Variants in VAV3 observed in about 807,000 individuals in gnomAD.
VAV3 encodes vav guanine nucleotide exchange factor 3.
In VAV3, 94 loss-of-function variants were observed where a neutral mutation model predicts 131.2. The observed-to-expected ratio is 0.72, with a 90% CI of 0.61 to 0.85. VAV3 has a LOEUF of 0.85. Ranked by LOEUF, VAV3 falls within the 40% of genes least tolerant of loss-of-function variation. VAV3 has a pLI of 0.00. For synonymous variants in VAV3, 349 were observed against 342.0 expected (o/e 1.02, Z -0.22); for missense variants, 939 against 1,002.7 (o/e 0.94, Z 0.86).
At position 107,677,717 on chromosome 1, in the gene VAV3, C is replaced by T. The variant is rs1171737685; in HGVS notation, c.1777+5771G>A. ...GTGCATAAATGGCCCAGAGTAGGTTCTAAATATAATTCAAACATTCTGTTA... is the reference window on the plus strand; with the variant it reads ...GTGCATAAATGGCCCAGAGTAGGTTTTAAATATAATTCAAACATTCTGTTA... On this transcript the variant is annotated intron_variant, in intron 19 of 26. Coordinates refer to ENST00000370056, the MANE Select transcript of VAV3 (RefSeq NM_006113.5). 3.3e-5 allele frequency: 5 copies of T among 152,158 alleles called. No individual in the cohort carries two copies. The East Asian group carries it at 9.6e-4, about 29-fold the overall frequency. The allele number at this position is 152,158 out of a possible 1,614,324, so 9.4% of individuals were successfully genotyped here.
chr1:107,850,600 T>G (rs1025794959), intron 2 of VAV3, among the ~76,000 whole-genome samples: 5 of 151,974 alleles, frequency 3.3e-5, no homozygotes, highest in African/African-American at 1.2e-4. Flanking sequence ...AGGGATTGCA[T>G]TAGGAGAAGT....
At chr1:107,730,468 C>T (rs971011982) in intron 15 of VAV3, among the ~76,000 whole-genome samples, 2 of 152,152 alleles carry the variant, frequency 1.3e-5, no homozygotes, top group African/African-American at 4.8e-5. Flanking sequence ...GAAAACACCA[C>T]AAAACCAAAT....
At chr1:107,866,014 C>T (rs960614996) in intron 2 of VAV3, among the ~76,000 whole-genome samples, 4 of 152,120 alleles carry the variant, frequency 2.6e-5, no homozygotes, top group African/African-American at 4.8e-5. Flanking sequence ...ACTAAACACA[C>T]TGTGTGTGCT....
chr1:107,758,395 C>T (rs900004195), intron 10 of VAV3, among the ~76,000 whole-genome samples: 1 of 152,006 alleles, frequency 6.6e-6, no homozygotes, highest in Non-Finnish European at 1.5e-5. Flanking sequence ...CATGACAAGA[C>T]CCCATCTCTA....
intron 19 of VAV3, among the ~76,000 whole-genome samples, chr1:107,649,345 C>T (rs892241022): frequency 2.6e-5 from 4 of 152,108 alleles, no homozygotes; most frequent in Admixed American, 6.6e-5. Context: ...AAAGGAGCAG[C>T]ACTCATTGAA....
intron 15 of VAV3, among the ~76,000 whole-genome samples, chr1:107,707,673 G>A (rs868112749): frequency 2.8e-4 from 43 of 152,142 alleles, no homozygotes; most frequent in Non-Finnish European, 5.9e-5. Flanking sequence ...TGTAATTATT[G>A]AAGTGTAAGA....
intron 25 of VAV3, among the ~76,000 whole-genome samples, chr1:107,576,238 A>G (rs571830385): frequency 1.3e-5 from 2 of 152,218 alleles, no homozygotes; most frequent in African/African-American, 4.8e-5. Flanking sequence ...AACGGTGACT[A>G]TGACAGAGAA....
intron 19 of VAV3, among the ~76,000 whole-genome samples, chr1:107,655,139 A>G (rs1656448629): frequency 6.6e-6 from 1 of 152,048 alleles, no homozygotes; most frequent in Admixed American, 6.6e-5. Context: ...CAGTTTATAA[A>G]AGCACCTGAA....
intron 9 of VAV3, among the ~76,000 whole-genome samples, chr1:107,762,395 G>A (rs1286747303): frequency 1.3e-5 from 2 of 152,182 alleles, no homozygotes; most frequent in Admixed American, 6.5e-5. Context: ...ACAGCTATCA[G>A]TCAAAATGAA....
intron 13 of VAV3, among the ~76,000 whole-genome samples, chr1:107,750,292 G>A (rs1157599239): frequency 2.0e-5 from 3 of 152,164 alleles, no homozygotes; most frequent in East Asian, 3.8e-4. Context: ...AACTGAAAAC[G>A]TTATGGTGAA....
chr1:107,949,480 A>T (rs529280776), intron 1 of VAV3, among the ~76,000 whole-genome samples: 1 of 152,104 alleles, frequency 6.6e-6, no homozygotes, highest in Admixed American at 6.5e-5. Flanking sequence ...CCAGCTAATT[A>T]AAAAAATAAT....
chr1:107,666,329 A>T (rs1657402576), intron 19 of VAV3, among the ~76,000 whole-genome samples: 1 of 152,220 alleles, frequency 6.6e-6, no homozygotes, highest in African/African-American at 2.4e-5. Context: ...ATAAGAGTTA[A>T]TGTCTTATTT....
rs1326110528 is a variant in VAV3 at position 107,603,034 on chromosome 1, T to C, written c.2132+13A>G. 2.5e-6 allele frequency: 4 copies of C among 1,584,090 alleles called. No individual in the cohort carries two copies. Among genetic ancestry groups the C allele is most frequent in the Non-Finnish European group, 3.5e-6 (4 of 1,153,488 alleles). On this transcript the variant is annotated intron_variant, in intron 23 of 26. Coordinates refer to ENST00000370056, the MANE Select transcript of VAV3 (RefSeq NM_006113.5). ...AGGAAATCTATTTCTGTAAAAGTAC[T>C]TGTCCTACTTACTTAATGCTAATTG...
chr1:107,896,157 T>C (rs1671561464), intron 1 of VAV3, among the ~76,000 whole-genome samples: 1 of 152,210 alleles, frequency 6.6e-6, no homozygotes, highest in Non-Finnish European at 1.5e-5. Flanking sequence ...TGCAGAACCA[T>C]GGAGCCATTT....
At chr1:107,925,095 A>G (rs991753824) in intron 1 of VAV3, among the ~76,000 whole-genome samples, 3 of 152,226 alleles carry the variant, frequency 2.0e-5, no homozygotes, top group African/African-American at 7.2e-5. Flanking sequence ...AAAACATGAT[A>G]TTGAACACAA....
chr1:107,836,789 T>C (rs1668496545), intron 2 of VAV3, among the ~76,000 whole-genome samples: 1 of 152,154 alleles, frequency 6.6e-6, no homozygotes, highest in South Asian at 2.1e-4. Context: ...AATACCTCTA[T>C]GCATACAAAT....
chr1:107,834,049 G>T (rs1557872853), intron 2 of VAV3, among the ~76,000 whole-genome samples: 1 of 152,116 alleles, frequency 6.6e-6, no homozygotes, highest in Non-Finnish European at 1.5e-5. Context: ...AAGATATTTA[G>T]AAACTATAGA....
intron 15 of VAV3, among the ~76,000 whole-genome samples, chr1:107,727,575 T>C (rs927737080): frequency 6.6e-6 from 1 of 152,224 alleles, no homozygotes; most frequent in African/African-American, 2.4e-5. Flanking sequence ...ACAAACAGTC[T>C]ACTAATGAAC....
At chr1:107,804,407 T>C (rs1264534244) in intron 2 of VAV3, among the ~76,000 whole-genome samples, 1 of 152,202 alleles carries the variant, frequency 6.6e-6, no homozygotes, top group African/African-American at 2.4e-5. Flanking sequence ...ATATCTATTA[T>C]AGGTTTTAAC....
Sources: gnomAD v4.1 joint callset for allele counts (sites outside exome capture counted in the v4.1 genomes callset) on GRCh38, gnomAD v4.1.1 for gene constraint, MANE v1.5 for transcripts, NCBI Gene and HGNC (gene_info 2026-07-23, HGNC 2026-07-21) for gene names.